Variants in TRPM6 observed in about 807,000 individuals in gnomAD.
The protein encoded by TRPM6 is channel kinase 2.
Under a neutral mutation model 247.6 loss-of-function variants are expected in TRPM6, and 111 were observed. The ratio of observed to expected loss-of-function variants is 0.45; its 90% CI spans 0.38 to 0.52. TRPM6 has a LOEUF of 0.52. Among genes scored for constraint, TRPM6 ranks in the 20% least tolerant of loss-of-function variants. The probability of loss-of-function intolerance (pLI) is 0.00; values close to 1 mark genes in which losing one functional copy is unlikely to be tolerated. For missense variants in TRPM6, 2,126 were observed against 2,421.5 expected, an observed-to-expected ratio of 0.88 and a Z score of 2.56; for synonymous variants, 892 against 853.8, an observed-to-expected ratio of 1.04 and a Z score of -0.78.
At position 74,750,744 on chromosome 9, in the gene TRPM6, T is replaced by C. The variant is rs1303594014; in HGVS notation, c.4999-22A>G. On this transcript the variant is annotated intron_variant, in intron 29 of 38. Transcript: ENST00000360774. Reference sequence around the variant, plus strand: ...GATCCTGAGCAGAAGGGAAAGGCCGTTACGTGTGTGCTCAACATAGTCCCA... The same window carrying C: ...GATCCTGAGCAGAAGGGAAAGGCCGCTACGTGTGTGCTCAACATAGTCCCA... The C allele has an allele frequency of 4.3e-6, 7 of 1,613,002 alleles. No homozygotes were observed. The African/African-American group carries it at 5.3e-5, about 12-fold the overall frequency.
chr9:74,780,504 T>A (rs929499102), intron 23 of TRPM6, among the ~76,000 whole-genome samples: 1 of 151,122 alleles, frequency 6.6e-6, no homozygotes, highest in Non-Finnish European at 1.5e-5. Flanking sequence ...TGGGGCCATA[T>A]AAGTCATTGT....
At chr9:74,744,224 G>T in intron 31 of TRPM6, 79 bp from the exon 32 acceptor site, 1 of 1,451,174 alleles carries the variant, frequency 6.9e-7, no homozygotes, top group Non-Finnish European at 9.7e-7. Context: ...TGCCTTCAAA[G>T]TTATTATTGA....
intron 20 of TRPM6, among the ~76,000 whole-genome samples, chr9:74,788,020 C>CT (rs1391132364): frequency 4.4e-4 from 65 of 148,294 alleles, no homozygotes; most frequent in Middle Eastern, 3.4e-3. Flanking sequence ...TGGCCCCCTC[C>CT]TTTTTTTTTT....
At chr9:74,796,944 T>C (rs368233179) in intron 17 of TRPM6, 51 bp from the exon 18 acceptor site, 984 of 1,488,340 alleles carry the variant, frequency 6.6e-4, no homozygotes, top group Non-Finnish European at 8.5e-4. Flanking sequence ...CAAAAGCACA[T>C]ACTAGACAAA....
chr9:74,767,998 C>T (rs1826885432), intron 25 of TRPM6, among the ~76,000 whole-genome samples: 1 of 151,938 alleles, frequency 6.6e-6, no homozygotes, highest in African/African-American at 2.4e-5. Flanking sequence ...TTGGAAGTAC[C>T]CATAATTTTC....
Position 74,724,160 on chromosome 9 carries a change from A to G in TRPM6, c.*453T>C, listed in dbSNP as rs1358675151. The G allele has an allele frequency of 5.1e-6, 1 of 194,412 alleles. No individual in the cohort carries two copies. Among genetic ancestry groups the G allele is most frequent in the Admixed American group, 5.3e-5 (1 of 18,806 alleles). The allele number at this position is 194,412 out of a possible 1,614,324, so 12.0% of individuals were successfully genotyped here. A position where few individuals can be genotyped will look rare whatever the true frequency, so the allele number is the denominator to read the frequency against. On this transcript the variant is annotated 3_prime_UTR_variant, in exon 39 of 39. Transcript: ENST00000360774. ...TGGAAAAGACAGAGGAGGAAATCAC[A>G]TAACTTTTTATGAACATATATATAG...
chr9:74,727,149 G>A (rs1224104114), intron 38 of TRPM6, among the ~76,000 whole-genome samples: 2 of 152,008 alleles, frequency 1.3e-5, no homozygotes, highest in African/African-American at 4.8e-5. Flanking sequence ...TGGGGAGGCC[G>A]AGGTGGGTGG....
chr9:74,782,622 T>C, intron 22 of TRPM6, 57 bp downstream of exon 22: 1 of 1,580,520 alleles, frequency 6.3e-7, no homozygotes, highest in Non-Finnish European at 8.7e-7. Context: ...AGATGTATTT[T>C]ACTCTTGTTA....
chr9:74,767,611 A>G (rs1306019974), intron 25 of TRPM6, among the ~76,000 whole-genome samples: 1 of 152,308 alleles, frequency 6.6e-6, no homozygotes, highest in Non-Finnish European at 1.5e-5. Context: ...AGATGACAGT[A>G]TAAGAACAGT....
chr9:74,823,427 T>A (rs1001210904), intron 7 of TRPM6, among the ~76,000 whole-genome samples: 2 of 152,250 alleles, frequency 1.3e-5, no homozygotes, highest in African/African-American at 4.8e-5. Context: ...TTTAAATATC[T>A]AGACGTATAG....
At chr9:74,769,789 A>G (rs1000650159) in intron 25 of TRPM6, among the ~76,000 whole-genome samples, 1 of 40,340 alleles carries the variant, frequency 2.5e-5, no homozygotes, top group African/African-American at 3.7e-4. Flanking sequence ...GGAAGGACGG[A>G]AGGAAGGGAG....
At chr9:74,822,399 A>C (rs1464404091) in intron 7 of TRPM6, among the ~76,000 whole-genome samples, 3 of 145,996 alleles carry the variant, frequency 2.1e-5, no homozygotes, top group Non-Finnish European at 4.5e-5. Flanking sequence ...ACAGGTATGT[A>C]CCACCACACC....
chr9:74,874,023 G>A (rs1337081993), intron 1 of TRPM6, among the ~76,000 whole-genome samples: 1 of 152,060 alleles, frequency 6.6e-6, no homozygotes, highest in African/African-American at 2.4e-5. Flanking sequence ...ATCACCTGAG[G>A]TCAGGGGTTC....
intron 27 of TRPM6, among the ~76,000 whole-genome samples, chr9:74,756,426 A>T (rs991002912): frequency 2.6e-5 from 4 of 152,192 alleles, no homozygotes; most frequent in African/African-American, 9.7e-5. Context: ...GCTACTTGAG[A>T]TCTAAAACTT....
At chr9:74,805,899 A>C (rs561528846) in intron 14 of TRPM6, among the ~76,000 whole-genome samples, 3 of 152,244 alleles carry the variant, frequency 2.0e-5, no homozygotes, top group Non-Finnish European at 4.4e-5. Context: ...AAAAGCTGGA[A>C]CTGCTTAAAT....
intron 1 of TRPM6, among the ~76,000 whole-genome samples, chr9:74,864,946 G>A (rs1830799840): frequency 6.6e-6 from 1 of 151,864 alleles, no homozygotes; most frequent in Admixed American, 6.6e-5. Flanking sequence ...AGTCGTGGGC[G>A]CCTGTAATCC....
chr9:74,851,095 C>G (rs1830294660), intron 3 of TRPM6, among the ~76,000 whole-genome samples: 1 of 136,778 alleles, frequency 7.3e-6, no homozygotes, highest in African/African-American at 2.5e-5. Context: ...TTTGAGTTGA[C>G]ATTTTATTCT....
At chr9:74,835,377 T>C (rs1829690675) in intron 5 of TRPM6, among the ~76,000 whole-genome samples, 1 of 146,950 alleles carries the variant, frequency 6.8e-6, no homozygotes, top group Non-Finnish European at 1.5e-5. Context: ...TCTCCTATTA[T>C]GAATGTTTTT....
At position 74,786,997 on chromosome 9, in the gene TRPM6, G is replaced by A. The variant is rs184878194; in HGVS notation, c.2668-872C>T. On this transcript the variant is annotated intron_variant, in intron 20 of 38. Coordinates refer to ENST00000360774, the MANE Select transcript of TRPM6 (RefSeq NM_017662.5). ...GTGGATCACTTGAGGTCAGGAGTTC[G>A]AGACCAGCCTGGCCAACATGATGAA... 4.0e-3 allele frequency among the ~76,000 whole-genome samples: 547 copies of A among 136,102 alleles called. 3 individuals are homozygous for A. The highest frequency in any genetic ancestry group is 0.013 in the African/African-American group (467 of 35,830). 89.3% of individuals were successfully genotyped at this position (136,102 alleles called of 152,430 possible). A position where few individuals can be genotyped will look rare whatever the true frequency, so the allele number is the denominator to read the frequency against.
Sources: gnomAD v4.1 joint callset for allele counts (sites outside exome capture counted in the v4.1 genomes callset) on GRCh38, gnomAD v4.1.1 for gene constraint, MANE v1.5 for transcripts, NCBI Gene and HGNC (gene_info 2026-07-23, HGNC 2026-07-21) for gene names.